Variants in CHRNB3 observed in about 807,000 individuals in gnomAD.
CHRNB3 encodes the protein neuronal acetylcholine receptor subunit beta-3.
In CHRNB3, 37 loss-of-function variants were observed where a neutral mutation model predicts 40.6. The ratio of observed to expected loss-of-function variants is 0.91; its 90% CI spans 0.70 to 1.20. The LOEUF is 1.20. CHRNB3 is among the 50% of genes most tolerant of loss of function. The pLI is 0.00. For missense variants in CHRNB3, 505 were observed against 551.2 expected (o/e 0.92, Z 0.84); for synonymous variants, 207 against 207.1 (o/e 1.00, Z 0.00).
chr8:42,717,408 C>CAAAAAAAA (rs1816134324), intron 3 of CHRNB3, among the ~76,000 whole-genome samples: 11 of 73,758 alleles, frequency 1.5e-4, no homozygotes, highest in African/African-American at 1.9e-4. Flanking sequence ...AAAAAAAAGC[C>CAAAAAAAA]GACCTGTTGT....
chr8:42,736,622 T>G lies in CHRNB3; in HGVS notation c.*4T>G, dbSNP rs757069380. Reference sequence around the variant, plus strand: ...GTGGCTACATAGTTACCATTAGGAATTTAAAAGACATAAGACTAAATTACA... The same window carrying G: ...GTGGCTACATAGTTACCATTAGGAAGTTAAAAGACATAAGACTAAATTACA... On this transcript the variant is annotated 3_prime_UTR_variant, in exon 6 of 6. Coordinates refer to ENST00000289957, the MANE Select transcript of CHRNB3 (RefSeq NM_000749.5). 1.2e-6 allele frequency: 2 copies of G among 1,614,140 alleles called. No homozygotes were observed. Among genetic ancestry groups the G allele is most frequent in the South Asian group, 2.2e-5 (2 of 91,052 alleles).
At chr8:42,712,885 T>C (rs1300887328) in intron 3 of CHRNB3, among the ~76,000 whole-genome samples, 1 of 138,582 alleles carries the variant, frequency 7.2e-6, no homozygotes, top group Non-Finnish European at 1.6e-5. Flanking sequence ...TTTTTGAGTC[T>C]GTGTCTCACT....
At chr8:42,715,687 A>G (rs902301008) in intron 3 of CHRNB3, among the ~76,000 whole-genome samples, 6 of 152,106 alleles carry the variant, frequency 3.9e-5, no homozygotes, top group African/African-American at 1.5e-4. Flanking sequence ...CTATCCTCTC[A>G]ACCAAAGAAA....
chr8:42,702,591 T>C (rs1815828885), intron 1 of CHRNB3, among the ~76,000 whole-genome samples: 2 of 152,020 alleles, frequency 1.3e-5, no homozygotes, highest in Admixed American at 1.3e-4. Flanking sequence ...ATTGAAACCC[T>C]GTCTCTACTA....
chr8:42,708,710 T>C lies in CHRNB3; in HGVS notation c.53-7T>C. ...TTAACCCAGGTCCACCCATGATTCT[T>C]TTACAGCCACCACAGGTTTCAACTC... On this transcript the variant is annotated splice_polypyrimidine_tract_variant and splice_region_variant and intron_variant, in intron 1 of 5. Coordinates refer to ENST00000289957, the MANE Select transcript of CHRNB3 (RefSeq NM_000749.5). 2 of 1,613,462 alleles carry C rather than the reference T, an allele frequency of 1.2e-6. No homozygotes were observed. The highest frequency in any genetic ancestry group is 1.7e-6 in the Non-Finnish European group (2 of 1,179,752).
chr8:42,701,673 A>C (rs1490725948), intron 1 of CHRNB3, among the ~76,000 whole-genome samples: 2 of 152,228 alleles, frequency 1.3e-5, no homozygotes, highest in Non-Finnish European at 2.9e-5. Context: ...AGGCTGAGAG[A>C]GCCCCAACCC....
intron 5 of CHRNB3, among the ~76,000 whole-genome samples, chr8:42,734,652 C>G (rs1293357450): frequency 6.6e-6 from 1 of 151,664 alleles, no homozygotes; most frequent in African/African-American, 2.4e-5. Context: ...ATTTCCTGAC[C>G]TCGTGATCCG....
At chr8:42,705,410 G>T (rs545061866) in intron 1 of CHRNB3, among the ~76,000 whole-genome samples, 65 of 152,136 alleles carry the variant, frequency 4.3e-4, no homozygotes, top group Non-Finnish European at 8.5e-4. Flanking sequence ...TGGGAGGTGG[G>T]GCCTAATGGT....
intron 3 of CHRNB3, among the ~76,000 whole-genome samples, chr8:42,713,960 A>G (rs537268443): frequency 4.2e-4 from 64 of 152,300 alleles, no homozygotes; most frequent in Admixed American, 1.6e-3. Flanking sequence ...AAAGCAGGAG[A>G]AACGAAGCTT....
chr8:42,718,650 G>A (rs1197452323), intron 3 of CHRNB3, among the ~76,000 whole-genome samples: 1 of 134,782 alleles, frequency 7.4e-6, no homozygotes, highest in Admixed American at 8.5e-5. Context: ...TCCAGCCTGG[G>A]TGACAGAGCA....
At chr8:42,725,708 C>G in intron 3 of CHRNB3, 1 of 930,404 alleles carries the variant, frequency 1.1e-6, no homozygotes, top group South Asian at 1.3e-5. Context: ...TCCAGGTGCT[C>G]CTCAATCACT....
At chr8:42,702,038 T>C (rs1815814710) in intron 1 of CHRNB3, among the ~76,000 whole-genome samples, 1 of 152,168 alleles carries the variant, frequency 6.6e-6, no homozygotes, top group South Asian at 2.1e-4. Context: ...TAAATATTTG[T>C]TGGATTCTCC....
At chr8:42,705,874 C>G (rs964074363) in intron 1 of CHRNB3, 1 of 152,140 alleles carries the variant, frequency 6.6e-6, no homozygotes, top group African/African-American at 2.4e-5. Context: ...CATTGTTGCT[C>G]GAGTGGTTGT....
At chr8:42,698,348 T>C (rs1815714902) in intron 1 of CHRNB3, among the ~76,000 whole-genome samples, 1 of 152,210 alleles carries the variant, frequency 6.6e-6, no homozygotes, top group Non-Finnish European at 1.5e-5. Flanking sequence ...CAGAAAGTTT[T>C]CCCCCATTGA....
At chr8:42,698,001 T>C (rs1008359575) in intron 1 of CHRNB3, among the ~76,000 whole-genome samples, 6 of 152,214 alleles carry the variant, frequency 3.9e-5, no homozygotes, top group Non-Finnish European at 5.9e-5. Flanking sequence ...TGCATGTAGA[T>C]ATTTAATTTT....
In CHRNB3 at chr8:42,708,964, A is replaced by G. The variant is rs545939507; in HGVS notation, c.204+96A>G. The G allele has an allele frequency of 7.1e-6, 9 of 1,269,112 alleles. No homozygotes were observed. The East Asian group carries it at 2.0e-4, about 29-fold the overall frequency. The allele number at this position is 1,269,112 out of a possible 1,614,324, so 78.6% of individuals were successfully genotyped here. ...ATTTTTCCCTATGTCTGCCATTTCAATTTTAAAAATAATTTACTGTGAGAG... is the reference window on the plus strand; with the variant it reads ...ATTTTTCCCTATGTCTGCCATTTCAGTTTTAAAAATAATTTACTGTGAGAG... On this transcript the variant is annotated intron_variant, in intron 2 of 5. Coordinates refer to ENST00000289957, the MANE Select transcript of CHRNB3 (RefSeq NM_000749.5).
Position 42,729,489 on chromosome 8 carries a change from A to C in CHRNB3, c.250-1105A>C, listed in dbSNP as rs975852527. Among the ~76,000 whole-genome samples, 20 of 152,090 alleles carry C rather than the reference A, an allele frequency of 1.3e-4. 1 individual carries two copies. The highest frequency in any genetic ancestry group is 4.1e-4 in the South Asian group (2 of 4,822). On this transcript the variant is annotated intron_variant, in intron 3 of 5. Transcript: ENST00000289957. ...AGCTTTTTAAAGGCCCATACATCTTAAACTTTGTTTTTTGGGGATCAAGTC... is the reference window on the plus strand; with the variant it reads ...AGCTTTTTAAAGGCCCATACATCTTCAACTTTGTTTTTTGGGGATCAAGTC...
chr8:42,703,725 G>A (rs1815868981), intron 1 of CHRNB3, among the ~76,000 whole-genome samples: 1 of 151,956 alleles, frequency 6.6e-6, no homozygotes, highest in African/African-American at 2.4e-5. Flanking sequence ...GTCACAGAAA[G>A]CCCCGTTATG....
At chr8:42,718,672 CAAAA>C (rs59911208) in intron 3 of CHRNB3, among the ~76,000 whole-genome samples, 1 of 82,746 alleles carries the variant, frequency 1.2e-5, no homozygotes, top group African/African-American at 5.0e-5. Flanking sequence ...GACTCTGTCT[CAAAA>C]AAAAAAAAAA....
Sources: allele counts gnomAD v4.1 joint callset (sites outside exome capture counted in the v4.1 genomes callset), GRCh38; gene constraint gnomAD v4.1.1; transcripts MANE v1.5; gene names NCBI Gene and HGNC (gene_info 2026-07-23, HGNC 2026-07-21).